Variants in RCC2 observed in about 807,000 individuals in gnomAD.
RCC2 encodes the protein regulator of chromosome condensation 2, also known as protein RCC2.
Under a neutral mutation model 64.1 loss-of-function variants are expected in RCC2, and 19 were observed. The observed-to-expected ratio is 0.30, with a 90% CI of 0.21 to 0.44. RCC2 has a LOEUF of 0.44. RCC2 is among the 20% of genes least tolerant of loss of function. RCC2 has a pLI of 1.00. For synonymous variants in RCC2, 325 were observed against 279.6 expected (o/e 1.16, Z -1.62); for missense variants, 508 against 710.4 (o/e 0.72, Z 3.24).
intron 4 of RCC2, among the ~76,000 whole-genome samples, chr1:17,423,836 T>C (rs925575891): frequency 3.3e-5 from 5 of 152,180 alleles, no homozygotes; most frequent in Non-Finnish European, 7.3e-5. Context: ...TAGGTTGTGA[T>C]AAAGGCAGAC....
intron 2 of RCC2, among the ~76,000 whole-genome samples, chr1:17,437,808 C>A (rs1047551826): frequency 6.9e-6 from 1 of 145,036 alleles, no homozygotes; most frequent in African/African-American, 2.5e-5. Context: ...CCGGGCGCAG[C>A]GGCGGCCACG....
chr1:17,429,179 G>A lies in RCC2; in HGVS notation c.306C>T (p.Cys102=). Residue 102 remains cysteine (C), a synonymous_variant, in exon 3 of 13, where the codon TGC becomes TGT. Coordinates refer to ENST00000375436, the MANE Select transcript of RCC2 (RefSeq NM_018715.4). The stretch of plus-strand genomic sequence containing the variant: ...CCCCAAAAATCAAAAGCTGCCCTTT[G>A]CACTTTGACCCTTCAAGTTTCTGCA... ...KERVKLEGSK[C]KGQLLIFGAT... is the part of the protein sequence containing the mutation. The A allele has an allele frequency of 6.2e-7, 1 of 1,614,076 alleles. No homozygotes were observed. Among genetic ancestry groups the A allele is most frequent in the Non-Finnish European group, 8.5e-7 (1 of 1,179,958 alleles).
intron 2 of RCC2, among the ~76,000 whole-genome samples, chr1:17,431,359 A>ATATATATATATATATATATATATATATAT (rs1265674393): frequency 2.4e-4 from 11 of 44,930 alleles, no homozygotes; most frequent in East Asian, 6.1e-4. Context: ...AAAAAAAAAA[A>ATATATATATATATATATATATATATATAT]ATATATATAT....
intron 3 of RCC2, among the ~76,000 whole-genome samples, chr1:17,428,273 G>T (rs2075638901): frequency 6.6e-6 from 1 of 152,274 alleles, no homozygotes; most frequent in Non-Finnish European, 1.5e-5. Context: ...TGGGACAAAA[G>T]CCACCATGTG....
chr1:17,422,134 C>T, intron 6 of RCC2, 69 bp downstream of exon 6: 1 of 1,177,814 alleles, frequency 8.5e-7, no homozygotes, highest in Non-Finnish European at 1.2e-6. Flanking sequence ...GGAGACCCCA[C>T]CTTAGAAAAT....
chr1:17,422,155 A>C, intron 6 of RCC2, 48 bp downstream of exon 6: 1 of 1,387,548 alleles, frequency 7.2e-7, no homozygotes. Context: ...CAAACACAAA[A>C]GTAAAGAGAA....
At chr1:17,434,244 G>C (rs1407573271) in intron 2 of RCC2, among the ~76,000 whole-genome samples, 2 of 152,220 alleles carry the variant, frequency 1.3e-5, no homozygotes, top group African/African-American at 4.8e-5. Context: ...GCAGCTTCCG[G>C]ATGGGGCAGT....
intron 2 of RCC2, among the ~76,000 whole-genome samples, chr1:17,431,354 AAAAAAATATATATAT>A (rs1557633413): frequency 1.1e-5 from 1 of 90,218 alleles, no homozygotes; most frequent in African/African-American, 4.6e-5. Flanking sequence ...AAAAAAAAAA[AAAAAAATATATATAT>A]ATATATATAT....
chr1:17,419,666 G>A (rs1424784249), intron 7 of RCC2, among the ~76,000 whole-genome samples: 1 of 152,224 alleles, frequency 6.6e-6, no homozygotes, highest in African/African-American at 2.4e-5. Flanking sequence ...CCATGAAAGT[G>A]AGCCGTTTTT....
rs2075399886 is a variant in RCC2 at position 17,409,289 on chromosome 1, G to A, written c.1465-95C>T. 3.8e-5 allele frequency: 31 copies of A among 820,678 alleles called. No homozygotes were observed. The South Asian group carries it at 4.1e-4, about 11-fold the overall frequency. 50.8% of individuals were successfully genotyped at this position (820,678 alleles called of 1,614,324 possible). The stretch of plus-strand genomic sequence containing the variant: ...GAAACTGGGCTGCTAAAGCGGGTCA[G>A]CATGGAGAAAAACAGAGTGCCCTTG... On this transcript the variant is annotated intron_variant, in intron 12 of 12. Transcript: ENST00000375436.
At chr1:17,414,718 A>G (rs1056084212) in intron 8 of RCC2, among the ~76,000 whole-genome samples, 5 of 151,316 alleles carry the variant, frequency 3.3e-5, no homozygotes, top group Admixed American at 1.3e-4. Context: ...CACAACCTCC[A>G]CCTCCTGGGC....
intron 2 of RCC2, among the ~76,000 whole-genome samples, chr1:17,429,555 C>A (rs376380287): frequency 6.6e-6 from 1 of 152,164 alleles, no homozygotes; most frequent in South Asian, 2.1e-4. Context: ...CACTCAGGGG[C>A]GTTAAATCCA....
intron 3 of RCC2, among the ~76,000 whole-genome samples, chr1:17,426,193 C>G (rs1238962094): frequency 6.6e-6 from 1 of 152,126 alleles, no homozygotes; most frequent in African/African-American, 2.4e-5. Flanking sequence ...CTCCTGCCCT[C>G]CATCTCCGGC....
Position 17,429,202 on chromosome 1 carries a change from G to A in RCC2, c.286-3C>T, listed in dbSNP as rs772841661. 70 of 1,613,002 alleles carry A rather than the reference G, an allele frequency of 4.3e-5. No individual in the cohort carries two copies. The highest frequency in any genetic ancestry group is 5.8e-5 in the Non-Finnish European group (68 of 1,179,112). On this transcript the variant is annotated splice_polypyrimidine_tract_variant and splice_region_variant and intron_variant, in intron 2 of 12. Transcript: ENST00000375436. ...TTGCACTTTGACCCTTCAAGTTTCT[G>A]CAGAGACAGAGAAAGGAAAAAAGAA...
chr1:17,432,773 T>C (rs1188331852), intron 2 of RCC2, among the ~76,000 whole-genome samples: 2 of 152,248 alleles, frequency 1.3e-5, no homozygotes, highest in Admixed American at 6.5e-5. Context: ...TAAGCATTTA[T>C]AGGCAAACCC....
chr1:17,409,108 G>A lies in RCC2; in HGVS notation c.1551C>T (p.Tyr517=), dbSNP rs372977197. The A allele has an allele frequency of 3.2e-5, 52 of 1,613,006 alleles. No individual in the cohort carries two copies. The highest frequency in any genetic ancestry group is 4.3e-5 in the Non-Finnish European group (51 of 1,179,080). The part of the protein sequence containing the change: ...EKEKIKKLPE[Y]NPRTL ...GGGAGCATCAGAGGGTTCGGGGGTT[G>A]TATTCTGGCAGTTTCTTGATCTTCT... The change falls in exon 13 of 13, where the codon TAC becomes TAT. Residue 517 remains tyrosine (Y), a synonymous_variant. Coordinates refer to ENST00000375436, the MANE Select transcript of RCC2 (RefSeq NM_018715.4).
rs1179799736 is a variant in RCC2 at position 17,406,777 on chromosome 1, T to C, written c.*2313A>G. On this transcript the variant is annotated 3_prime_UTR_variant, in exon 13 of 13. Transcript: ENST00000375436. ...AAATCCAAGACAGTAGACAATGTTG[T>C]TGTTTATTTAAAATGTTTACTCCAA... 1 of 152,042 alleles carries C rather than the reference T, an allele frequency of 6.6e-6. No individual in the cohort carries two copies. Among genetic ancestry groups the C allele is most frequent in the Non-Finnish European group, 1.5e-5 (1 of 67,996 alleles). The allele number at this position is 152,042 out of a possible 1,614,324, so 9.4% of individuals were successfully genotyped here. A position where few individuals can be genotyped will look rare whatever the true frequency, so the allele number is the denominator to read the frequency against.
intron 2 of RCC2, among the ~76,000 whole-genome samples, chr1:17,432,560 C>A (rs975047748): frequency 6.6e-6 from 1 of 152,246 alleles, no homozygotes; most frequent in Non-Finnish European, 1.5e-5. Flanking sequence ...CCACCCTACA[C>A]TGAGATGCAA....
Position 17,408,805 on chromosome 1 carries a change from C to T in RCC2, c.*285G>A. ...GAAAAAACTTAAAAAAAAAAAAAAC[C>T]TAGATTGCTCAAAGTTTCTGCCTCT... On this transcript the variant is annotated 3_prime_UTR_variant, in exon 13 of 13. Coordinates refer to ENST00000375436, the MANE Select transcript of RCC2 (RefSeq NM_018715.4). The T allele has an allele frequency of 2.9e-6, 1 of 340,354 alleles. No homozygotes were observed. The highest frequency in any genetic ancestry group is 5.3e-6 in the Non-Finnish European group (1 of 188,810). 21.1% of individuals were successfully genotyped at this position (340,354 alleles called of 1,614,324 possible).
Sources: allele counts gnomAD v4.1 joint callset (sites outside exome capture counted in the v4.1 genomes callset), GRCh38; gene constraint gnomAD v4.1.1; transcripts MANE v1.5; gene names NCBI Gene and HGNC (gene_info 2026-07-23, HGNC 2026-07-21).